The following ZNF462 variants were observed in gnomAD, a reference collection of about 807,000 sequenced individuals.
ZNF462 encodes the protein zinc finger PBX1-interacting protein.
ZNF462 carries 10 observed loss-of-function variants against 201.9 expected under a neutral mutation model. That is an observed-to-expected ratio of 0.05 (90% CI 0.03 to 0.08). The LOEUF (loss-of-function observed/expected upper bound fraction) is 0.08. ZNF462 is among the 10% of genes least tolerant of loss of function. The pLI is 1.00. For missense variants in ZNF462, 2,523 were observed against 3,168.3 expected (o/e 0.80, Z 4.89); for synonymous variants, 1,227 against 1,193.3 (o/e 1.03, Z -0.58).
intron 1 of ZNF462, among the ~76,000 whole-genome samples, chr9:106,898,755 C>T (rs1249600158): frequency 6.6e-5 from 10 of 152,042 alleles, no homozygotes; most frequent in Non-Finnish European, 1.5e-4. Context: ...GAGAATGGTA[C>T]AGAAACAATG....
chr9:106,970,729 A>G lies in ZNF462; in HGVS notation c.6428-1276A>G, dbSNP rs1363229196. On this transcript the variant is annotated intron_variant, in intron 7 of 12. Transcript: ENST00000277225. This position sits in a 1 kb window ranked among gnomAD's most constrained non-coding sequence, Gnocchi z 4.2. ...AGGTTATATAGGACAATGTTTTTGA[A>G]TTTCTAACCTCCACATTGCAAGCAG... Among the ~76,000 whole-genome samples the G allele has an allele frequency of 6.6e-6, 1 of 152,110 alleles. No homozygotes were observed. Among genetic ancestry groups the G allele is most frequent in the Non-Finnish European group, 1.5e-5 (1 of 68,022 alleles).
rs1018625943 is a variant in ZNF462 at position 106,935,426 on chromosome 9, GA to G, written c.6117-70del. On this transcript the variant is annotated intron_variant, in intron 5 of 12. Coordinates refer to ENST00000277225, the MANE Select transcript of ZNF462 (RefSeq NM_021224.6). The surrounding 1 kb of genome is among the most constrained non-coding windows in gnomAD (Gnocchi z 4.1). ...GAACGACCTAGAAGTAGGATTCCTG[GA>G]AAAAAAGCAATGAGCAAATCCTCTA... 8.8e-5 allele frequency: 116 copies of G among 1,322,796 alleles called. 1 individual carries two copies. In the South Asian group the frequency reaches 9.9e-4, roughly 11 times the overall value. The allele number at this position is 1,322,796 out of a possible 1,614,324, so 81.9% of individuals were successfully genotyped here. A position where few individuals can be genotyped will look rare whatever the true frequency, so the allele number is the denominator to read the frequency against.
chr9:106,982,937 A>C lies in ZNF462; in HGVS notation c.6833-1249A>C, dbSNP rs181522375. The stretch of plus-strand genomic sequence containing the variant: ...CGATGCCCTGGAAACATTGCTATTC[A>C]GTGACTCTGGGAATAAATCATGCTT... On this transcript the variant is annotated intron_variant, in intron 9 of 12. Transcript: ENST00000277225. Among the ~76,000 whole-genome samples, 3 of 152,346 alleles carry C rather than the reference A, an allele frequency of 2.0e-5. No homozygotes were observed. In the East Asian group the frequency reaches 5.8e-4, roughly 29 times the overall value.
chr9:106,889,649 C>G (rs1828486662), intron 1 of ZNF462, among the ~76,000 whole-genome samples: 1 of 152,122 alleles, frequency 6.6e-6, no homozygotes, highest in South Asian at 2.1e-4. Flanking sequence ...TTTGTTCATT[C>G]ATTTAAATAC....
Position 106,962,317 on chromosome 9 carries a change from A to G in ZNF462, c.6428-9688A>G, listed in dbSNP as rs1831878691. Among the ~76,000 whole-genome samples the G allele has an allele frequency of 6.6e-6, 1 of 152,052 alleles. No homozygotes were observed. Among genetic ancestry groups the G allele is most frequent in the South Asian group, 2.1e-4 (1 of 4,830 alleles). Reference sequence around the variant, plus strand: ...TGAATGTGTGGAATGAAAGAGAGAAATGAATCAAGGATTTATTCTGATTTC... The same window carrying G: ...TGAATGTGTGGAATGAAAGAGAGAAGTGAATCAAGGATTTATTCTGATTTC... On this transcript the variant is annotated intron_variant, in intron 7 of 12. Coordinates refer to ENST00000277225, the MANE Select transcript of ZNF462 (RefSeq NM_021224.6). The surrounding 1 kb of genome is among the most constrained non-coding windows in gnomAD (Gnocchi z 4.6).
Position 106,935,866 on chromosome 9 carries a change from G to A in ZNF462, c.6235+245G>A, listed in dbSNP as rs781241227. On this transcript the variant is annotated intron_variant, in intron 6 of 12. Coordinates refer to ENST00000277225, the MANE Select transcript of ZNF462 (RefSeq NM_021224.6). The surrounding 1 kb of genome is among the most constrained non-coding windows in gnomAD (Gnocchi z 4.1). ...CACCCATGTTATGGTTAGTTCGTTC[G>A]TCCTACTGACAAGTTAGAATTAGAC... Among the ~76,000 whole-genome samples the A allele has an allele frequency of 2.0e-5, 3 of 152,188 alleles. No homozygotes were observed. Among genetic ancestry groups the A allele is most frequent in the Non-Finnish European group, 4.4e-5 (3 of 68,022 alleles).
chr9:106,982,754 C>A (rs1462515724), intron 9 of ZNF462, among the ~76,000 whole-genome samples: 1 of 152,170 alleles, frequency 6.6e-6, no homozygotes, highest in Non-Finnish European at 1.5e-5. Flanking sequence ...TTAATCGCTG[C>A]CTTCAAGGAC....
intron 1 of ZNF462, among the ~76,000 whole-genome samples, chr9:106,866,750 T>C (rs1027028783): frequency 6.6e-6 from 1 of 152,224 alleles, no homozygotes; most frequent in Non-Finnish European, 1.5e-5. Context: ...AATGCATAAA[T>C]GGATGCACCA....
In ZNF462 at chr9:106,923,007, C is replaced by G. The variant is rs1830047635; in HGVS notation, c.-30-347C>G. Reference sequence around the variant, plus strand: ...AAAAGAAAATGAGTCCAAGGCAGAACCAAAGCCAACATTAAGTTACCAAGA... The same window carrying G: ...AAAAGAAAATGAGTCCAAGGCAGAAGCAAAGCCAACATTAAGTTACCAAGA... On this transcript the variant is annotated intron_variant, in intron 1 of 12. Coordinates refer to ENST00000277225, the MANE Select transcript of ZNF462 (RefSeq NM_021224.6). This position sits in a 1 kb window ranked among gnomAD's most constrained non-coding sequence, Gnocchi z 5.6. Among the ~76,000 whole-genome samples the G allele has an allele frequency of 6.6e-6, 1 of 152,202 alleles. No homozygotes were observed. The highest frequency in any genetic ancestry group is 1.5e-5 in the Non-Finnish European group (1 of 68,020).
At chr9:106,980,211 T>C (rs1827315634) in intron 9 of ZNF462, among the ~76,000 whole-genome samples, 1 of 152,130 alleles carries the variant, frequency 6.6e-6, no homozygotes. Context: ...GTTTTGCTTG[T>C]GTTTATGTTT....
chr9:106,973,658 C>G (rs886669459), intron 8 of ZNF462, among the ~76,000 whole-genome samples: 3 of 152,140 alleles, frequency 2.0e-5, no homozygotes, highest in Non-Finnish European at 4.4e-5. Context: ...GCTGGTACAA[C>G]ACCACTTAGT....
At chr9:106,958,661 C>T (rs949589823) in intron 7 of ZNF462, among the ~76,000 whole-genome samples, 2 of 152,046 alleles carry the variant, frequency 1.3e-5, no homozygotes, top group Non-Finnish European at 1.5e-5. Context: ...GCTGAGATGC[C>T]CTTATCAATC....
At position 106,954,287 on chromosome 9, in the gene ZNF462, T is replaced by C. The variant is rs963055186; in HGVS notation, c.6427+15180T>C. Among the ~76,000 whole-genome samples, 1 of 152,064 alleles carries C rather than the reference T, an allele frequency of 6.6e-6. No individual in the cohort carries two copies. The highest frequency in any genetic ancestry group is 2.4e-5 in the African/African-American group (1 of 41,404). On this transcript the variant is annotated intron_variant, in intron 7 of 12. Coordinates refer to ENST00000277225, the MANE Select transcript of ZNF462 (RefSeq NM_021224.6). The surrounding 1 kb of genome is among the most constrained non-coding windows in gnomAD (Gnocchi z 4.0). ...CAAAGGGGGAGCAAGGCACATCTTATATGGTGGCAGGAGAGAGAAAGAGAG... is the reference window on the plus strand; with the variant it reads ...CAAAGGGGGAGCAAGGCACATCTTACATGGTGGCAGGAGAGAGAAAGAGAG...
At chr9:106,999,107 A>G (rs1429434931) in intron 10 of ZNF462, among the ~76,000 whole-genome samples, 1 of 152,202 alleles carries the variant, frequency 6.6e-6, no homozygotes, top group East Asian at 1.9e-4. Flanking sequence ...GCCTGCAGAA[A>G]GAGCCTGGAA....
chr9:106,925,800 C>T lies in ZNF462; in HGVS notation c.1888C>T (p.Pro630Ser). 1 of 1,614,194 alleles carries T rather than the reference C, an allele frequency of 6.2e-7. No individual in the cohort carries two copies. Among genetic ancestry groups the T allele is most frequent in the Non-Finnish European group, 8.5e-7 (1 of 1,180,022 alleles). Residue 630 changes from proline to serine, a missense_variant, in exon 3 of 13, where the codon CCA becomes TCA. By Grantham distance (74) the Pro-to-Ser change is moderately conservative. Around this residue, in one of 15 missense-constraint regions of ZNF462, gnomAD observed 383 missense variants for 453.4 expected, o/e 0.84. Transcript: ENST00000277225. The surrounding 1 kb of genome is among the most constrained non-coding windows in gnomAD (Gnocchi z 7.9). ...QHKHSFCDNL[P>S]KFEGQPSSLP... ...TAAACATTCATTCTGTGACAACTTG[C>T]CAAAATTCGAGGGGCAGCCCTCAAG...
rs1003116811 is a variant in ZNF462, at chr9:106,962,249, T to G, written c.6428-9756T>G. Reference sequence around the variant, plus strand: ...TGGGCTAGTGAGTGGATCACAGAGATAGAGTTTCTCAGGAGGCTGAACCAA... The same window carrying G: ...TGGGCTAGTGAGTGGATCACAGAGAGAGAGTTTCTCAGGAGGCTGAACCAA... On this transcript the variant is annotated intron_variant, in intron 7 of 12. Transcript: ENST00000277225. The surrounding 1 kb of genome is among the most constrained non-coding windows in gnomAD (Gnocchi z 4.6). Among the ~76,000 whole-genome samples, 2 of 152,160 alleles carry G rather than the reference T, an allele frequency of 1.3e-5. No homozygotes were observed. The highest frequency in any genetic ancestry group is 1.5e-5 in the Non-Finnish European group (1 of 67,954).
chr9:106,875,685 A>G (rs774702116), intron 1 of ZNF462, among the ~76,000 whole-genome samples: 3 of 152,200 alleles, frequency 2.0e-5, no homozygotes, highest in Non-Finnish European at 2.9e-5. Context: ...AATGATTTCC[A>G]GGAAATACTA....
At chr9:106,914,932 C>G (rs1439821495) in intron 1 of ZNF462, among the ~76,000 whole-genome samples, 1 of 151,572 alleles carries the variant, frequency 6.6e-6, no homozygotes, top group African/African-American at 2.4e-5. Context: ...TTATATGCCT[C>G]TGAATAATAA....
upstream of ZNF462, chr9:106,862,951 TTC>T (rs1328714890): frequency 1.0e-5 from 4 of 394,188 alleles, no homozygotes; most frequent in Non-Finnish European, 1.8e-5. The surrounding 1 kb of genome is among the most constrained non-coding windows in gnomAD (Gnocchi z 4.2). Context: ...ATTGTCTTCC[TTC>T]TCTCTTTCTG....
Sources: gnomAD v4.1 joint callset for allele counts (sites outside exome capture counted in the v4.1 genomes callset) on GRCh38, gnomAD v4.1.1 for gene constraint, gnomAD v4.1.1 regional missense constraint, Gnocchi (gnomAD v3.1) non-coding constraint, MANE v1.5 for transcripts, NCBI Gene and HGNC (gene_info 2026-07-23, HGNC 2026-07-21) for gene names.